The following MFSD1 variants were observed in gnomAD, a reference collection of about 807,000 sequenced individuals.
The protein encoded by MFSD1 is lysosomal dipeptide transporter MFSD1.
Under a neutral mutation model 67.1 loss-of-function variants are expected in MFSD1, and 59 were observed. That is an observed-to-expected ratio of 0.88 (90% confidence interval 0.71 to 1.09). The LOEUF (loss-of-function observed/expected upper bound fraction) is 1.09, where lower values mean the gene tolerates loss of function less well. MFSD1 is among the 50% of genes least tolerant of loss of function. The pLI, the probability that MFSD1 is intolerant of heterozygous loss-of-function variation, is 0.00. For missense variants in MFSD1, 552 were observed against 566.1 expected (o/e 0.97, Z 0.25); for synonymous variants, 213 against 200.3 (o/e 1.06, Z -0.54).
intron 5 of MFSD1, among the ~76,000 whole-genome samples, chr3:158,807,867 T>C (rs528354334): frequency 6.6e-6 from 1 of 152,358 alleles, no homozygotes; most frequent in African/African-American, 2.4e-5. Context: ...AGAGCTTTGC[T>C]TGAATGAGCA....
chr3:158,809,452 T>C (rs1392066315), intron 6 of MFSD1, among the ~76,000 whole-genome samples, 165 bp downstream of exon 6: 1 of 152,182 alleles, frequency 6.6e-6, no homozygotes, highest in Non-Finnish European at 1.5e-5. Flanking sequence ...GAGTAAAGCA[T>C]TTCTAACCTT....
rs374333806 is a variant in MFSD1, at chr3:158,824,118, T to C, written c.1176-6T>C. On this transcript the variant is annotated splice_polypyrimidine_tract_variant and splice_region_variant and intron_variant, in intron 12 of 15. Transcript: ENST00000415822. The stretch of plus-strand genomic sequence containing the variant: ...GAAATGTGTCTTTATATTTCTTCCA[T>C]TGTAGCATGCAGTCCATTCAGAATC... 22 of 1,598,764 alleles carry C rather than the reference T, an allele frequency of 1.4e-5. No homozygotes were observed. Among genetic ancestry groups the C allele is most frequent in the Non-Finnish European group, 1.8e-5 (21 of 1,169,366 alleles).
At chr3:158,827,976 G>GAGAGAGACAGAGAGAC (rs1553759912) in intron 15 of MFSD1, among the ~76,000 whole-genome samples, 3 of 78,874 alleles carry the variant, frequency 3.8e-5, no homozygotes, top group African/African-American at 1.5e-4. Context: ...GAGAGAGAGA[G>GAGAGAGACAGAGAGAC]AGACAGAGAT....
intron 1 of MFSD1, 81 bp downstream of exon 1, chr3:158,802,396 T>C: frequency 6.7e-7 from 1 of 1,494,820 alleles, no homozygotes; most frequent in Non-Finnish European, 9.3e-7. Context: ...TCGTGGTCAC[T>C]GGTGCCACGG....
Position 158,823,467 on chromosome 3 carries a change from T to C in MFSD1, c.1117T>C (p.Leu373=). ...GLSYSLLACA[L]WPMVAFVVPE... is the part of the protein sequence containing the mutation. ...CTCCTACTCATTGCTTGCCTGTGCA[T>C]TGTGGCCAATGGTGGCATTTGTAGT... The change falls in exon 12 of 16, where the codon TTG becomes CTG. Residue 373 remains leucine (L), a synonymous_variant. Transcript: ENST00000415822. 5 of 1,613,880 alleles carry C rather than the reference T, an allele frequency of 3.1e-6. No individual in the cohort carries two copies. The highest frequency in any genetic ancestry group is 2.2e-5 in the East Asian group (1 of 44,878).
chr3:158,820,654 A>G (rs910013273), intron 9 of MFSD1, among the ~76,000 whole-genome samples: 16 of 152,234 alleles, frequency 1.1e-4, no homozygotes, highest in African/African-American at 3.6e-4. Flanking sequence ...CAGGAAACTT[A>G]TAACCATGGC....
In MFSD1 at chr3:158,816,591, T is replaced by G. The variant is rs1031352990; in HGVS notation, c.652+2524T>G. ...GTAGGTTGCGAAAATTTTCTCCCAT[T>G]TTGTAGGTTGCCTGTTCACTCTGAT... is the stretch of plus-strand genomic sequence containing the variant. On this transcript the variant is annotated intron_variant, in intron 7 of 15. Transcript: ENST00000415822. Among the ~76,000 whole-genome samples the G allele has an allele frequency of 1.3e-4, 20 of 151,430 alleles. 1 individual carries two copies. In the South Asian group the frequency reaches 1.7e-3, roughly 13 times the overall value.
chr3:158,823,222 A>G, intron 11 of MFSD1: 1 of 547,586 alleles, frequency 1.8e-6, no homozygotes, highest in Non-Finnish European at 3.3e-6. Flanking sequence ...AATGGTTAAG[A>G]CAGCATGTAT....
intron 7 of MFSD1, among the ~76,000 whole-genome samples, chr3:158,815,223 GTGATA>G (rs1165691535): frequency 6.6e-6 from 1 of 152,184 alleles, no homozygotes; most frequent in Non-Finnish European, 1.5e-5. Context: ...GAGGTTTGAT[GTGATA>G]TGATATGGTT....
At chr3:158,821,951 T>C (rs1400738782) in intron 10 of MFSD1, 33 bp from the exon 11 acceptor site, 1 of 1,593,608 alleles carries the variant, frequency 6.3e-7, no homozygotes, top group Non-Finnish European at 8.6e-7. Context: ...CTGTGTTGCA[T>C]TTCATGAAAT....
At position 158,804,369 on chromosome 3, in the gene MFSD1, C is replaced by T. The variant is rs747509407; in HGVS notation, c.214C>T (p.Arg72Ter). The part of the protein sequence containing the change: ...NPAALQTQVK[R>*]DMQVNTTKFM... The stretch of plus-strand genomic sequence containing the variant: ...TGCTGCCCTTCAGACTCAAGTTAAA[C>T]GAGTAAGTTGATTTTTCACTCTTGT... The change falls in exon 2 of 16, where the codon CGA becomes TGA. Residue 72 changes from arginine to a stop codon, truncating the protein, a stop_gained and splice_region_variant. Transcript: ENST00000415822. LOFTEE classifies it high-confidence loss of function. 6.8e-6 allele frequency: 11 copies of T among 1,609,680 alleles called. No homozygotes were observed. The highest frequency in any genetic ancestry group is 2.2e-5 in the East Asian group (1 of 44,822).
chr3:158,809,151 T>C lies in MFSD1; in HGVS notation c.441-28T>C, dbSNP rs749100631. The C allele has an allele frequency of 2.1e-6, 3 of 1,410,940 alleles. 1 individual carries two copies. The highest frequency in any genetic ancestry group is 3.8e-4 in the Middle Eastern group (2 of 5,250). 87.4% of individuals were successfully genotyped at this position (1,410,940 alleles called of 1,614,324 possible). The stretch of plus-strand genomic sequence containing the variant: ...AGTATTTCTTTAAAGTTGTGACTTC[T>C]GGTTTTTTTTTTTTTTTCTATTTTT... On this transcript the variant is annotated intron_variant, in intron 5 of 15. Coordinates refer to ENST00000415822, the MANE Select transcript of MFSD1 (RefSeq NM_022736.4).
Position 158,805,493 on chromosome 3 carries a change from T to A in MFSD1, c.329+19T>A. ...GAATACGGTAAGCTTGAAAAGAAAC[T>A]ATGGGTAAATCTTACCTGATTGTTA... On this transcript the variant is annotated intron_variant, in intron 3 of 15. Coordinates refer to ENST00000415822, the MANE Select transcript of MFSD1 (RefSeq NM_022736.4). The A allele has an allele frequency of 2.0e-6, 3 of 1,529,206 alleles. No homozygotes were observed. Among genetic ancestry groups the A allele is most frequent in the Non-Finnish European group, 2.7e-6 (3 of 1,102,620 alleles). The allele number at this position is 1,529,206 out of a possible 1,614,324, so 94.7% of individuals were successfully genotyped here.
chr3:158,803,220 G>A (rs1320876844), intron 1 of MFSD1, among the ~76,000 whole-genome samples: 1 of 152,132 alleles, frequency 6.6e-6, no homozygotes, highest in Non-Finnish European at 1.5e-5. Flanking sequence ...TGGTATGAAT[G>A]TGTTTTTCAG....
chr3:158,820,820 A>G (rs529385283), intron 9 of MFSD1, among the ~76,000 whole-genome samples: 22 of 152,212 alleles, frequency 1.4e-4, no homozygotes, highest in Non-Finnish European at 3.1e-4. Context: ...CCATGATTCA[A>G]TTACCTTCTA....
intron 5 of MFSD1, among the ~76,000 whole-genome samples, chr3:158,808,561 T>G (rs1473910278): frequency 6.6e-6 from 1 of 152,220 alleles, no homozygotes; most frequent in Non-Finnish European, 1.5e-5. Flanking sequence ...GCATTTTATA[T>G]AATATCGATG....
In MFSD1 at chr3:158,802,141, C is replaced by T; in HGVS notation, c.-12C>T. The T allele has an allele frequency of 6.2e-7, 1 of 1,612,248 alleles. No individual in the cohort carries two copies. The highest frequency in any genetic ancestry group is 8.5e-7 in the Non-Finnish European group (1 of 1,179,612). On this transcript the variant is annotated 5_prime_UTR_variant, in exon 1 of 16. Coordinates refer to ENST00000415822, the MANE Select transcript of MFSD1 (RefSeq NM_022736.4). ...TGTCACCACTTTCCCCTCTCCGTCT[C>T]CTGCGGGCGCAATGGAGGAGGAGGA...
intron 1 of MFSD1, 132 bp from the exon 2 acceptor site, chr3:158,804,187 A>G: frequency 1.7e-6 from 1 of 581,308 alleles, no homozygotes; most frequent in Non-Finnish European, 3.0e-6. Flanking sequence ...TGGATAAGGA[A>G]GTGGTTCAGA....
intron 5 of MFSD1, 83 bp from the exon 6 acceptor site, chr3:158,809,096 A>G (rs1729867855): frequency 9.4e-7 from 1 of 1,067,558 alleles, no homozygotes; most frequent in African/African-American, 1.6e-5. Context: ...AGAAGTGCCA[A>G]CATTTTAAAC....
Sources: gnomAD v4.1 joint callset for allele counts (sites outside exome capture counted in the v4.1 genomes callset) on GRCh38, gnomAD v4.1.1 for gene constraint, MANE v1.5 for transcripts, NCBI Gene and HGNC (gene_info 2026-07-23, HGNC 2026-07-21) for gene names.